The following EXOC4 variants were observed in gnomAD, a reference collection of about 807,000 sequenced individuals.
The protein encoded by EXOC4 is exocyst complex component 4.
A neutral mutation model predicts 107.2 loss-of-function variants in EXOC4; 71 were observed. The ratio of observed to expected loss-of-function variants is 0.66; its 90% CI spans 0.55 to 0.81. The LOEUF (loss-of-function observed/expected upper bound fraction) is 0.81, where lower values mean the gene tolerates loss of function less well. Ranked by LOEUF, EXOC4 falls within the 30% of genes least tolerant of loss-of-function variation. The pLI, the probability that EXOC4 is intolerant of heterozygous loss-of-function variation, is 0.00. For missense variants in EXOC4, 1,108 were observed against 1,189.6 expected (o/e 0.93, Z 1.01); for synonymous variants, 456 against 441.2 (o/e 1.03, Z -0.42).
chr7:133,584,429 G>C (rs1801348622), intron 9 of EXOC4, among the ~76,000 whole-genome samples: 1 of 151,956 alleles, frequency 6.6e-6, no homozygotes, highest in Non-Finnish European at 1.5e-5. Context: ...GCCAGAGTTG[G>C]GAGTCTTCTC....
In EXOC4 at chr7:133,275,000, C is replaced by G. The variant is rs149727837; in HGVS notation, c.105C>G (p.Asp35Glu). 2 of 1,609,400 alleles carry G rather than the reference C, an allele frequency of 1.2e-6. No homozygotes were observed. The highest frequency in any genetic ancestry group is 1.1e-5 in the South Asian group (1 of 90,282). ...ISVIRTLSTS[D>E]DVEDRENEKG... ...TCACCAGGACTCTGTCTACTAGTGA[C>G]GATGTCGAAGACAGGGAAAATGAAA... Residue 35 changes from aspartate (D) to glutamate (E), a missense_variant, in exon 2 of 18, where the codon GAC (aspartate) becomes GAG (glutamate). Transcript: ENST00000253861.
chr7:133,719,180 A>T (rs1795056000), intron 10 of EXOC4, among the ~76,000 whole-genome samples: 1 of 152,194 alleles, frequency 6.6e-6, no homozygotes, highest in Non-Finnish European at 1.5e-5. Flanking sequence ...GTTTCCCTGC[A>T]CAAACTTTCT....
In EXOC4 at chr7:133,759,802, G is replaced by A. The variant is rs189387050; in HGVS notation, c.1515-57523G>A. ...TTATCAGTCCTTGGATGTTGGGGGC[G>A]TGGGGGTGGTCAGAGTTTAGGAAGG... On this transcript the variant is annotated intron_variant, in intron 10 of 17. Transcript: ENST00000253861. Among the ~76,000 whole-genome samples the A allele has an allele frequency of 3.9e-5, 6 of 152,300 alleles. No individual in the cohort carries two copies. The South Asian group carries it at 8.3e-4, about 21-fold the overall frequency.
intron 10 of EXOC4, among the ~76,000 whole-genome samples, chr7:133,745,587 A>G (rs918796861): frequency 1.3e-5 from 2 of 152,156 alleles, no homozygotes; most frequent in Non-Finnish European, 2.9e-5. Context: ...TTTAAGAAAC[A>G]GGATATAAAG....
intron 9 of EXOC4, among the ~76,000 whole-genome samples, chr7:133,591,354 G>A (rs571065557): frequency 2.0e-5 from 3 of 151,994 alleles, no homozygotes; most frequent in Non-Finnish European, 2.9e-5. Context: ...TTTGATGTTC[G>A]TTCTTGCCTC....
chr7:134,049,534 A>G (rs574494654), intron 17 of EXOC4, among the ~76,000 whole-genome samples: 2 of 152,252 alleles, frequency 1.3e-5, no homozygotes, highest in South Asian at 4.1e-4. Flanking sequence ...TATTTCCTTC[A>G]TATTTGCCTC....
At chr7:133,825,875 T>A (rs1797691201) in intron 11 of EXOC4, among the ~76,000 whole-genome samples, 2 of 152,120 alleles carry the variant, frequency 1.3e-5, no homozygotes, top group African/African-American at 4.8e-5. Context: ...TGAGAGATGG[T>A]GCTAATGGTC....
chr7:133,841,603 G>A (rs935160672), intron 11 of EXOC4, among the ~76,000 whole-genome samples: 14 of 152,002 alleles, frequency 9.2e-5, no homozygotes, highest in African/African-American at 3.1e-4. Flanking sequence ...TTCCACCACA[G>A]TCCTGCCAAG....
intron 14 of EXOC4, among the ~76,000 whole-genome samples, chr7:133,968,790 A>G (rs556787517): frequency 3.3e-5 from 5 of 151,806 alleles, no homozygotes; most frequent in Non-Finnish European, 7.4e-5. Context: ...CTTCATTTCA[A>G]CCTTGGTGAA....
chr7:134,043,796 A>G (rs1365311095), intron 17 of EXOC4, among the ~76,000 whole-genome samples: 1 of 152,132 alleles, frequency 6.6e-6, no homozygotes, highest in Non-Finnish European at 1.5e-5. Context: ...TTGAGAAGGA[A>G]GTGTAAAGAG....
intron 9 of EXOC4, among the ~76,000 whole-genome samples, chr7:133,590,609 G>A (rs954264875): frequency 3.3e-5 from 5 of 152,124 alleles, no homozygotes; most frequent in Non-Finnish European, 7.4e-5. Context: ...ACCATATGTC[G>A]GGGAGAAGCA....
At chr7:133,935,808 T>C (rs1436819735) in intron 13 of EXOC4, among the ~76,000 whole-genome samples, 1 of 152,174 alleles carries the variant, frequency 6.6e-6, no homozygotes, top group Non-Finnish European at 1.5e-5. Context: ...GAGTTGCTAA[T>C]AGTTGAAGCT....
chr7:133,270,422 G>A (rs904399014), intron 1 of EXOC4, among the ~76,000 whole-genome samples: 12 of 152,152 alleles, frequency 7.9e-5, no homozygotes, highest in African/African-American at 2.9e-4. Flanking sequence ...TTTTTGAGGG[G>A]ACTTCAGATG....
intron 9 of EXOC4, among the ~76,000 whole-genome samples, chr7:133,609,151 G>T (rs534928300): frequency 2.9e-4 from 44 of 152,288 alleles, no homozygotes; most frequent in Admixed American, 1.2e-3. Context: ...GGATATCTGA[G>T]TGTGGGGAAC....
chr7:133,733,990 A>G (rs1795385435), intron 10 of EXOC4, among the ~76,000 whole-genome samples: 1 of 152,262 alleles, frequency 6.6e-6, no homozygotes. Flanking sequence ...GCCTAAGTTA[A>G]CAACTTTTTA....
Position 133,356,525 on chromosome 7 carries a change from A to G in EXOC4, c.959A>G (p.Asp320Gly). The change falls in exon 6 of 18, where the codon GAC (aspartate) becomes GGC (glycine). Residue 320 changes from aspartate to glycine, a missense_variant. Transcript: ENST00000253861. The part of the protein sequence containing the change: ...IVKRSTTQVA[D>G]SGYQRGENVT... Reference sequence around the variant, plus strand: ...AAGAGGTCTACAACCCAGGTGGCAGACAGTGGCTATCAGCGGGGGGAGAAC... The same window carrying G: ...AAGAGGTCTACAACCCAGGTGGCAGGCAGTGGCTATCAGCGGGGGGAGAAC... 6.2e-7 allele frequency: 1 copy of G among 1,614,146 alleles called. No homozygotes were observed. The highest frequency in any genetic ancestry group is 1.1e-5 in the South Asian group (1 of 91,090).
intron 17 of EXOC4, among the ~76,000 whole-genome samples, chr7:134,039,780 T>C (rs947049936): frequency 3.3e-5 from 5 of 152,200 alleles, no homozygotes; most frequent in African/African-American, 1.2e-4. Context: ...TTTGATAGCA[T>C]TCTCATTCAG....
intron 10 of EXOC4, among the ~76,000 whole-genome samples, chr7:133,707,645 T>C (rs1794797341): frequency 6.6e-6 from 1 of 152,084 alleles, no homozygotes; most frequent in Admixed American, 6.5e-5. Context: ...AGATGGAGCC[T>C]CACTCCATCG....
intron 17 of EXOC4, among the ~76,000 whole-genome samples, chr7:134,041,856 T>C (rs1795527244): frequency 6.6e-6 from 1 of 152,196 alleles, no homozygotes; most frequent in African/African-American, 2.4e-5. Flanking sequence ...AGCTTTTTAA[T>C]TACTCTCTAT....
Sources: allele counts gnomAD v4.1 joint callset (sites outside exome capture counted in the v4.1 genomes callset), GRCh38; gene constraint gnomAD v4.1.1; transcripts MANE v1.5; gene names NCBI Gene and HGNC (gene_info 2026-07-23, HGNC 2026-07-21).